Variants in ARSF observed in about 807,000 individuals in gnomAD.
ARSF encodes the protein arylsulfatase F.
In ARSF, 33 loss-of-function variants were observed where a neutral mutation model predicts 35.4. The ratio of observed to expected loss-of-function variants is 0.93; its 90% CI spans 0.71 to 1.25. The LOEUF (loss-of-function observed/expected upper bound fraction) is 1.25. Among genes scored for constraint, ARSF ranks in the 50% most tolerant of loss-of-function variants. The pLI is 0.00. For synonymous variants in ARSF, 222 were observed against 193.1 expected, an observed-to-expected ratio of 1.15 and a Z score of -1.24; for missense variants, 501 against 480.2, an observed-to-expected ratio of 1.04 and a Z score of -0.40.
Position 3,112,157 on chromosome X carries a change from T to G in ARSF, c.1391-17T>G, listed in dbSNP as rs2090449689. The G allele has an allele frequency of 8.5e-7, 1 of 1,181,438 alleles. No homozygotes were observed. The highest frequency in any genetic ancestry group is 1.1e-6 in the Non-Finnish European group (1 of 876,256). ...TGAAGTGCGCATCATTTGACGAGTC[T>G]CTCTTTTCTCCTCCAGGTGGGTCAG... On this transcript the variant is annotated splice_polypyrimidine_tract_variant and intron_variant, in intron 10 of 10. Transcript: ENST00000381127.
chrX:3,095,963 C>A (rs2090335875), intron 7 of ARSF, among the ~76,000 whole-genome samples: 1 of 107,464 alleles, frequency 9.3e-6, no homozygotes. Context: ...AACAATATAA[C>A]TTATAAAACA....
intron 1 of ARSF, among the ~76,000 whole-genome samples, chrX:3,041,878 C>T (rs370149537): frequency 8.9e-6 from 1 of 112,387 alleles, no homozygotes; most frequent in East Asian, 2.8e-4. Context: ...TTCAAGTTCA[C>T]GTGACTTACA....
rs145377612 is a variant in ARSF at position 3,107,647 on chromosome X, G to A, written c.1266-2481G>A. On this transcript the variant is annotated intron_variant, in intron 9 of 10. Coordinates refer to ENST00000381127, the MANE Select transcript of ARSF (RefSeq NM_001201539.2). ...AATTCCAAAATTTACTATAAAGCTA[G>A]AGTAATCAAGTTTAAAAGAGTAATC... 1.9e-3 allele frequency among the ~76,000 whole-genome samples: 216 copies of A among 111,376 alleles called. 1 individual carries two copies. Among genetic ancestry groups the A allele is most frequent in the African/African-American group, 6.9e-3 (214 of 30,834 alleles).
Position 3,112,318 on chromosome X carries a change from A to G in ARSF, c.1535A>G (p.Asp512Gly). The change falls in exon 11 of 11, where the codon GAC (aspartate) becomes GGC (glycine). Residue 512 changes from aspartate to glycine, a missense_variant. Coordinates refer to ENST00000381127, the MANE Select transcript of ARSF (RefSeq NM_001201539.2). Reference sequence around the variant, plus strand: ...CCTCTGCTCTTCGATCTCTCCAGGGACCCCTCAGAGTCCACACCCCTGACA... The same window carrying G: ...CCTCTGCTCTTCGATCTCTCCAGGGGCCCCTCAGAGTCCACACCCCTGACA... Reference protein sequence around the residue: ...NPPLLFDLSRDPSESTPLTPA... With the variant: ...NPPLLFDLSRGPSESTPLTPA... 8.3e-7 allele frequency: 1 copy of G among 1,209,921 alleles called. No individual in the cohort carries two copies. Among genetic ancestry groups the G allele is most frequent in the African/African-American group, 1.7e-5 (1 of 57,219 alleles).
chrX:3,075,716 T>C (rs770031715), intron 3 of ARSF, among the ~76,000 whole-genome samples: 1 of 108,380 alleles, frequency 9.2e-6, no homozygotes, highest in South Asian at 4.2e-4. Context: ...CCTTTCTCTG[T>C]CTGCTTGTCT....
At chrX:3,108,772 T>G (rs1457735743) in intron 9 of ARSF, among the ~76,000 whole-genome samples, 3 of 111,827 alleles carry the variant, frequency 2.7e-5, no homozygotes, top group Non-Finnish European at 5.6e-5. Context: ...TTCCCAGCAC[T>G]TTGGGAGGCC....
intron 1 of ARSF, among the ~76,000 whole-genome samples, chrX:3,055,016 T>C (rs2090011998): frequency 9.3e-6 from 1 of 106,953 alleles, no homozygotes; most frequent in Admixed American, 1.0e-4. Context: ...ATTACAGGCA[T>C]GAGCCACCAC....
chrX:3,057,103 T>A (rs1318651069), intron 1 of ARSF, among the ~76,000 whole-genome samples: 2 of 111,648 alleles, frequency 1.8e-5, no homozygotes, highest in African/African-American at 6.6e-5. Context: ...GATCCCTGGA[T>A]ATTTTTTCAT....
At chrX:3,097,891 G>A (rs1479883300) in intron 7 of ARSF, among the ~76,000 whole-genome samples, 1 of 110,762 alleles carries the variant, frequency 9.0e-6, no homozygotes, top group African/African-American at 3.3e-5. Flanking sequence ...TTAGCTGGGT[G>A]TGGTGGCGCA....
intron 5 of ARSF, among the ~76,000 whole-genome samples, chrX:3,081,429 TG>T (rs1367468115): frequency 1.8e-5 from 2 of 110,523 alleles, no homozygotes; most frequent in East Asian, 5.8e-4. Flanking sequence ...CTCCATCTCC[TG>T]GGTTCAAGGG....
In ARSF at chrX:3,085,358, T is replaced by G. The variant is rs765866266; in HGVS notation, c.830+692T>G. Among the ~76,000 whole-genome samples, 5 of 105,484 alleles carry G rather than the reference T, an allele frequency of 4.7e-5. 1 individual carries two copies. The South Asian group carries it at 2.1e-3, about 43-fold the overall frequency. The allele number at this position is 105,484 out of a possible 115,157, so 91.6% of individuals were successfully genotyped here. A position where few individuals can be genotyped will look rare whatever the true frequency, so the allele number is the denominator to read the frequency against. On this transcript the variant is annotated intron_variant, in intron 6 of 10. Coordinates refer to ENST00000381127, the MANE Select transcript of ARSF (RefSeq NM_001201539.2). ...TGTCTGGTTCCCTGATACATATAGA[T>G]AAATATATATATATATCTGGAAATC...
At chrX:3,061,846 A>C (rs1425441433) in intron 1 of ARSF, among the ~76,000 whole-genome samples, 2 of 111,512 alleles carry the variant, frequency 1.8e-5, no homozygotes, top group Non-Finnish European at 3.8e-5. Flanking sequence ...TCCACACAAT[A>C]ATAATGGGAG....
chrX:3,108,795 T>A (rs1010418713), intron 9 of ARSF, among the ~76,000 whole-genome samples: 16 of 111,304 alleles, frequency 1.4e-4, no homozygotes, highest in Admixed American at 9.6e-5. Flanking sequence ...GGCAGATAGG[T>A]CACCTGAGGT....
intron 1 of ARSF, among the ~76,000 whole-genome samples, chrX:3,063,713 A>T (rs1164159509): frequency 9.0e-6 from 1 of 111,661 alleles, no homozygotes; most frequent in Non-Finnish European, 1.9e-5. Flanking sequence ...CAATTGCTAC[A>T]AAGAGAATAA....
At chrX:3,044,416 T>G (rs5982993) in intron 1 of ARSF, among the ~76,000 whole-genome samples, 1 of 110,136 alleles carries the variant, frequency 9.1e-6, no homozygotes, top group Non-Finnish European at 1.9e-5. Context: ...AACAGCTCAG[T>G]GAAGGGTCAA....
At chrX:3,058,446 C>T in intron 1 of ARSF, 1 of 231,726 alleles carries the variant, frequency 4.3e-6, no homozygotes, top group Non-Finnish European at 8.4e-6. Context: ...CCCAGAACTT[C>T]TGGGCCGAAG....
intron 9 of ARSF, among the ~76,000 whole-genome samples, chrX:3,107,396 G>GA (rs1277965671): frequency 9.1e-6 from 1 of 109,977 alleles, no homozygotes; most frequent in Non-Finnish European, 1.9e-5. Context: ...AGAAAAGAAA[G>GA]AAAAAATTAA....
intron 7 of ARSF, among the ~76,000 whole-genome samples, chrX:3,099,774 A>G (rs956461157): frequency 5.3e-5 from 6 of 112,170 alleles, no homozygotes; most frequent in African/African-American, 1.6e-4. Flanking sequence ...CAGGTTTAGC[A>G]TCCATTGATC....
intron 1 of ARSF, among the ~76,000 whole-genome samples, chrX:3,047,328 G>A (rs1294906102): frequency 1.8e-5 from 2 of 109,986 alleles, no homozygotes; most frequent in African/African-American, 6.6e-5. Flanking sequence ...ACAGGCACAC[G>A]CCACCATGCC....
Sources: allele counts gnomAD v4.1 joint callset (sites outside exome capture counted in the v4.1 genomes callset), GRCh38; gene constraint gnomAD v4.1.1; transcripts MANE v1.5; gene names NCBI Gene and HGNC (gene_info 2026-07-23, HGNC 2026-07-21).